CACNA1E: variants seen among roughly 807,000 people sequenced by gnomAD.
The protein encoded by CACNA1E is calcium voltage-gated channel subunit alpha1 E, also known as voltage-dependent R-type calcium channel subunit alpha-1E.
Under a neutral mutation model 259.2 loss-of-function variants are expected in CACNA1E, and 40 were observed. That is an observed-to-expected ratio of 0.15 (90% CI 0.12 to 0.20). The LOEUF is 0.20. Ranked by LOEUF, CACNA1E falls within the 10% of genes least tolerant of loss-of-function variation. The pLI is 1.00. For missense variants in CACNA1E, 1,874 were observed against 3,040.1 expected (o/e 0.62, Z 9.02); for synonymous variants, 1,104 against 1,138.5 (o/e 0.97, Z 0.61).
At chr1:181,363,600 T>C (rs890691441) in intron 1 of CACNA1E, among the ~76,000 whole-genome samples, 2 of 152,112 alleles carry the variant, frequency 1.3e-5, no homozygotes, top group African/African-American at 4.8e-5. Context: ...CTCAGGGAGC[T>C]CTGGAGCATA....
chr1:181,641,261 T>C (rs1558216966), intron 6 of CACNA1E, among the ~76,000 whole-genome samples: 1 of 152,166 alleles, frequency 6.6e-6, no homozygotes, highest in Non-Finnish European at 1.5e-5. Flanking sequence ...TTTTCAAGTA[T>C]GAGAGGACTT....
intron 7 of CACNA1E, among the ~76,000 whole-genome samples, chr1:181,676,375 A>T (rs1649378059): frequency 6.6e-6 from 1 of 152,108 alleles, no homozygotes. Context: ...TGCACTACAT[A>T]TGTTTCCATA....
chr1:181,471,523 G>T (rs1662506238), intron 2 of CACNA1E, among the ~76,000 whole-genome samples: 3 of 152,070 alleles, frequency 2.0e-5, no homozygotes, highest in Non-Finnish European at 2.9e-5. Context: ...CTGCTTTGAA[G>T]AGTTTCTTTG....
intron 1 of CACNA1E, among the ~76,000 whole-genome samples, chr1:181,397,590 G>A (rs556208151): frequency 9.7e-4 from 147 of 152,310 alleles, no homozygotes; most frequent in Non-Finnish European, 1.7e-3. Context: ...GAGCCACTGC[G>A]CCTGGACAGG....
Position 181,726,121 on chromosome 1 carries a change from G to A in CACNA1E, c.2199G>A (p.Lys733=). The part of the protein sequence containing the change: ...FNQKHALQKA[K]EVSPMSAPNM... ...AGAAACATGCACTGCAGAAGGCCAAGGAGGTCAGCCCGATGTCTGCACCCA... is the reference window on the plus strand; with the variant it reads ...AGAAACATGCACTGCAGAAGGCCAAAGAGGTCAGCCCGATGTCTGCACCCA... Residue 733 remains lysine, a synonymous_variant, in exon 18 of 48, where the codon AAG becomes AAA. Coordinates refer to ENST00000367573, the MANE Select transcript of CACNA1E (RefSeq NM_001205293.3). 6.2e-7 allele frequency: 1 copy of A among 1,613,208 alleles called. No homozygotes were observed. The highest frequency in any genetic ancestry group is 1.3e-5 in the African/African-American group (1 of 75,030).
At chr1:181,774,434 A>G (rs1659789338) in intron 37 of CACNA1E, among the ~76,000 whole-genome samples, 1 of 152,250 alleles carries the variant, frequency 6.6e-6, no homozygotes, top group Non-Finnish European at 1.5e-5. Context: ...AAATCTCCAG[A>G]TAACAGTGGC....
chr1:181,703,741 G>A (rs756731109), intron 7 of CACNA1E, among the ~76,000 whole-genome samples: 10 of 152,244 alleles, frequency 6.6e-5, no homozygotes, highest in South Asian at 2.1e-4. Flanking sequence ...TGCCGCCACC[G>A]CCCTAATCCT....
intron 1 of CACNA1E, among the ~76,000 whole-genome samples, chr1:181,339,408 T>C (rs1349985953): frequency 1.3e-5 from 2 of 152,190 alleles, no homozygotes; most frequent in Non-Finnish European, 2.9e-5. Context: ...CTGAGTATTT[T>C]ATTGTTTTTG....
At position 181,396,221 on chromosome 1, in the gene CACNA1E, G is replaced by A. The variant is rs985080075; in HGVS notation, c.-14-16912G>A. 3.3e-5 allele frequency among the ~76,000 whole-genome samples: 5 copies of A among 152,308 alleles called. No individual in the cohort carries two copies. The South Asian group carries it at 1.0e-3, about 32-fold the overall frequency. On this transcript the variant is annotated intron_variant, in intron 1 of 11. Transcript: ENST00000524607. ...CAGACTGCAGGAGAGCACCCCAGAC[G>A]GAAGCCACAGTCTTTTGTACCTAAC... is the stretch of plus-strand genomic sequence containing the variant.
chr1:181,604,220 A>T, intron 6 of CACNA1E, among the ~76,000 whole-genome samples: 1 of 152,118 alleles, frequency 6.6e-6, no homozygotes, highest in East Asian at 1.9e-4. Context: ...CTTGTCTCAG[A>T]CTGGGGTCCC....
At chr1:181,443,276 C>A (rs528546559) in intron 2 of CACNA1E, among the ~76,000 whole-genome samples, 7 of 152,348 alleles carry the variant, frequency 4.6e-5, no homozygotes, top group African/African-American at 1.7e-4. Flanking sequence ...AACTGTACAG[C>A]CTCAGGCTTC....
rs116767120 is a variant in CACNA1E, at chr1:181,499,500, C to T, written c.267-10977C>T. On this transcript the variant is annotated intron_variant, in intron 1 of 47. Transcript: ENST00000367573. ...ATTCCTTTCCTGGTCTCAGCATCTA[C>T]ATCTGTAAAATGAGTGTGTTGGAAT... 8.9e-3 allele frequency among the ~76,000 whole-genome samples: 1,355 copies of T among 152,274 alleles called. 17 individuals are homozygous for T. The highest frequency in any genetic ancestry group is 0.03 in the African/African-American group (1,264 of 41,546).
Position 181,803,430 on chromosome 1 carries a change from G to C in CACNA1E, c.*4596G>C, listed in dbSNP as rs1324021487. 2 of 152,162 alleles carry C rather than the reference G, an allele frequency of 1.3e-5. No individual in the cohort carries two copies. The highest frequency in any genetic ancestry group is 2.9e-5 in the Non-Finnish European group (2 of 68,028). The allele number at this position is 152,162 out of a possible 1,614,324, so 9.4% of individuals were successfully genotyped here. A position where few individuals can be genotyped will look rare whatever the true frequency, so the allele number is the denominator to read the frequency against. On this transcript the variant is annotated 3_prime_UTR_variant, in exon 48 of 48. Coordinates refer to ENST00000367573, the MANE Select transcript of CACNA1E (RefSeq NM_001205293.3). Reference sequence around the variant, plus strand: ...CTTGTGACCTAACCTTTGTAAGAAGGTGATCAAAGAGATCCTACATTAATA... The same window carrying C: ...CTTGTGACCTAACCTTTGTAAGAAGCTGATCAAAGAGATCCTACATTAATA...
intron 3 of CACNA1E, among the ~76,000 whole-genome samples, chr1:181,550,865 G>A (rs1240753682): frequency 6.6e-6 from 1 of 152,062 alleles, no homozygotes; most frequent in Non-Finnish European, 1.5e-5. Context: ...GAGGCCGAGT[G>A]TAAAGGATCG....
At chr1:181,725,709 C>T (rs1654842051) in intron 17 of CACNA1E, among the ~76,000 whole-genome samples, 1 of 152,236 alleles carries the variant, frequency 6.6e-6, no homozygotes, top group Non-Finnish European at 1.5e-5. Flanking sequence ...CACTGTAGGA[C>T]ATCTGGGAAG....
intron 3 of CACNA1E, among the ~76,000 whole-genome samples, chr1:181,525,607 A>C (rs982820528): frequency 6.6e-6 from 1 of 152,234 alleles, no homozygotes; most frequent in African/African-American, 2.4e-5. Context: ...AGTAAAACAG[A>C]GGATCAGGAG....
chr1:181,467,163 A>G (rs1291666514), intron 2 of CACNA1E, among the ~76,000 whole-genome samples: 1 of 152,232 alleles, frequency 6.6e-6, no homozygotes, highest in Non-Finnish European at 1.5e-5. Context: ...GAGCCTTTTT[A>G]GGAAACGAAA....
At chr1:181,456,108 T>A (rs989398293) in intron 2 of CACNA1E, among the ~76,000 whole-genome samples, 1 of 151,780 alleles carries the variant, frequency 6.6e-6, no homozygotes, top group Non-Finnish European at 1.5e-5. Context: ...GAAGGGAGGA[T>A]GAGGAGAAGG....
chr1:181,582,149 C>T (rs1651602992), intron 6 of CACNA1E, among the ~76,000 whole-genome samples: 1 of 152,182 alleles, frequency 6.6e-6, no homozygotes, highest in African/African-American at 2.4e-5. Context: ...AGGACTGAAG[C>T]TTTGCAGAAA....
Sources: gnomAD v4.1 joint callset for allele counts (sites outside exome capture counted in the v4.1 genomes callset) on GRCh38, gnomAD v4.1.1 for gene constraint, MANE v1.5 for transcripts, NCBI Gene and HGNC (gene_info 2026-07-23, HGNC 2026-07-21) for gene names.